Variants in MTARC2 observed in about 807,000 individuals in gnomAD.
The protein encoded by MTARC2 is MOCO sulphurase C-terminal domain containing 2.
In MTARC2, 27 loss-of-function variants were observed where a neutral mutation model predicts 35.6. The observed-to-expected ratio is 0.76, with a 90% CI of 0.56 to 1.04. MTARC2 has a LOEUF of 1.04. Ranked by LOEUF, MTARC2 falls within the 50% of genes least tolerant of loss-of-function variation. The pLI is 0.00. For synonymous variants in MTARC2, 158 were observed against 167.1 expected, an observed-to-expected ratio of 0.95 and a Z score of 0.42; for missense variants, 412 against 432.5, an observed-to-expected ratio of 0.95 and a Z score of 0.42.
At chr1:220,773,943 A>G (rs757992166) in intron 4 of MTARC2, among the ~76,000 whole-genome samples, 66 of 151,758 alleles carry the variant, frequency 4.3e-4, no homozygotes, top group Non-Finnish European at 8.2e-4. Context: ...ATGTACATGG[A>G]ATCATCCTCT....
chr1:220,780,203 T>C lies in MTARC2; in HGVS notation c.848T>C (p.Val283Ala), dbSNP rs1313871403. 6.2e-7 allele frequency: 1 copy of C among 1,612,218 alleles called. No individual in the cohort carries two copies. The highest frequency in any genetic ancestry group is 1.3e-5 in the African/African-American group (1 of 74,620). The change falls in exon 6 of 8, where the codon GTC (valine) becomes GCC (alanine). Residue 283 changes from valine to alanine, a missense_variant. Transcript: ENST00000366913. ...ACAACGGTGGACCCAGACACTGGAG[T>C]CATAGACAGGAAACAGCCACTGGAC... ...ILTTVDPDTGVIDRKQPLDTL... is the reference protein window; with the variant it reads ...ILTTVDPDTGAIDRKQPLDTL...
intron 4 of MTARC2, 191 bp from the exon 5 acceptor site, chr1:220,779,827 G>A (rs903934945): frequency 2.2e-6 from 1 of 445,964 alleles, no homozygotes; most frequent in Admixed American, 4.5e-5. Flanking sequence ...TTGAGACTGG[G>A]AGTCAAGAGG....
At chr1:220,764,111 T>TGA (rs1170234800) in intron 4 of MTARC2, among the ~76,000 whole-genome samples, 13 of 151,886 alleles carry the variant, frequency 8.6e-5, no homozygotes, top group Non-Finnish European at 4.4e-5. Flanking sequence ...TTTTTTTTTT[T>TGA]GAGAGAGAGT....
chr1:220,748,482 C>G lies in MTARC2; in HGVS notation c.-50C>G. On this transcript the variant is annotated 5_prime_UTR_variant, in exon 1 of 8. Coordinates refer to ENST00000366913, the MANE Select transcript of MTARC2 (RefSeq NM_017898.5). ...AAGGGCCTCCTCGTCCTCCCGGTCT[C>G]CGGTCGCTGCCGGGTCTGTGCGCCG... 6.7e-6 allele frequency: 9 copies of G among 1,350,406 alleles called. No individual in the cohort carries two copies. The highest frequency in any genetic ancestry group is 7.5e-6 in the Non-Finnish European group (8 of 1,060,056). The allele number at this position is 1,350,406 out of a possible 1,614,324, so 83.7% of individuals were successfully genotyped here.
rs777762392 is a variant in MTARC2 at position 220,748,700 on chromosome 1, G to A, written c.169G>A (p.Val57Met). 4.4e-6 allele frequency: 7 copies of A among 1,593,778 alleles called. No individual in the cohort carries two copies. Among genetic ancestry groups the A allele is most frequent in the Middle Eastern group, 1.8e-4 (1 of 5,532 alleles). The change falls in exon 1 of 8, where the codon GTG becomes ATG. Residue 57 changes from valine (V) to methionine (M), a missense_variant. Physicochemically the swap from Val to Met is conservative, Grantham distance 21. Coordinates refer to ENST00000366913, the MANE Select transcript of MTARC2 (RefSeq NM_017898.5). ...CCGGCGGCTGCAGCAGGTGGGCACC[G>A]TGGCGAAGCTCTGGATCTACCCGGT... ...RRRRLQQVGTVAKLWIYPVKS... is the reference protein window; with the variant it reads ...RRRRLQQVGTMAKLWIYPVKS...
At chr1:220,783,057 G>T (rs1422669550) in intron 7 of MTARC2, among the ~76,000 whole-genome samples, 1 of 152,164 alleles carries the variant, frequency 6.6e-6, no homozygotes, top group Non-Finnish European at 1.5e-5. Context: ...GCAAAAAGGA[G>T]CTACACTTCT....
At position 220,760,907 on chromosome 1, in the gene MTARC2, G is replaced by T. The variant is rs983548149; in HGVS notation, c.447-751G>T. ...GGATATCAAACCAACATGGCATTTA[G>T]ATCCCGTTACACACTTTTAAAAGCA... is the stretch of plus-strand genomic sequence containing the variant. On this transcript the variant is annotated intron_variant, in intron 2 of 7. Transcript: ENST00000366913. Among the ~76,000 whole-genome samples the T allele has an allele frequency of 2.6e-5, 4 of 152,192 alleles. No individual in the cohort carries two copies. In the East Asian group the frequency reaches 7.7e-4, roughly 29 times the overall value.
chr1:220,769,932 T>TAAAAAA (rs1553254311), intron 4 of MTARC2, among the ~76,000 whole-genome samples: 7 of 23,520 alleles, frequency 3.0e-4, no homozygotes, highest in African/African-American at 4.3e-4. Context: ...CTACTAAAAA[T>TAAAAAA]ACAAAAAAAA....
rs186224269 is a variant in MTARC2, at chr1:220,781,727, C to T, written c.885-51C>T. 161 of 1,602,350 alleles carry T rather than the reference C, an allele frequency of 1.0e-4. 1 individual carries two copies. In the African/African-American group the frequency reaches 1.3e-3, roughly 13 times the overall value. ...AACTTGAGTTCTATTGAGAATACTT[C>T]GATTATTATTTCCTTTTTGTGTCTG... On this transcript the variant is annotated intron_variant, in intron 6 of 7. Transcript: ENST00000366913.
intron 4 of MTARC2, among the ~76,000 whole-genome samples, chr1:220,778,611 A>G (rs1052834383): frequency 2.0e-4 from 30 of 152,212 alleles, no homozygotes; most frequent in South Asian, 6.2e-4. Context: ...GTGGGGACAC[A>G]GATCCAAACC....
rs1389748 is a variant in MTARC2, at chr1:220,779,017, G to T, written c.751-1001G>T. Reference sequence around the variant, plus strand: ...TCTTCATTTTGTCATGAAGGTTCCAGTGCCACGTAAAAGTTATATTAAATA... The same window carrying T: ...TCTTCATTTTGTCATGAAGGTTCCATTGCCACGTAAAAGTTATATTAAATA... On this transcript the variant is annotated intron_variant, in intron 4 of 7. Coordinates refer to ENST00000366913, the MANE Select transcript of MTARC2 (RefSeq NM_017898.5). Among the ~76,000 whole-genome samples the T allele has an allele frequency of 9.9e-3, 1,505 of 152,236 alleles. 29 individuals carry two copies. The highest frequency in any genetic ancestry group is 0.034 in the African/African-American group (1,432 of 41,538).
At position 220,748,540 on chromosome 1, in the gene MTARC2, T is replaced by C. The variant is rs370008710; in HGVS notation, c.9T>C (p.Ala3=). 2.0e-4 allele frequency: 289 copies of C among 1,423,306 alleles called. 1 individual carries two copies. The Middle Eastern group carries it at 3.8e-3, about 19-fold the overall frequency. 88.2% of individuals were successfully genotyped at this position (1,423,306 alleles called of 1,614,324 possible). A position where few individuals can be genotyped will look rare whatever the true frequency, so the allele number is the denominator to read the frequency against. The change falls in exon 1 of 8, where the codon GCT becomes GCC. Residue 3 remains alanine (A), a synonymous_variant. Coordinates refer to ENST00000366913, the MANE Select transcript of MTARC2 (RefSeq NM_017898.5). MG[A]SSSSALARLG... ...CCCGCCCTCGCTCTGCCATGGGCGC[T>C]TCCAGCTCCTCCGCGCTGGCCCGCC...
At chr1:220,753,249 A>G (rs1385531516) in intron 1 of MTARC2, among the ~76,000 whole-genome samples, 1 of 151,728 alleles carries the variant, frequency 6.6e-6, no homozygotes, top group African/African-American at 2.4e-5. Flanking sequence ...AAAAAAAAAG[A>G]AAGAAAGAAA....
chr1:220,761,937 C>T, intron 3 of MTARC2, 117 bp downstream of exon 3: 5 of 1,008,098 alleles, frequency 5.0e-6, no homozygotes, highest in Non-Finnish European at 7.4e-6. Flanking sequence ...TGATAATGGC[C>T]CTGGTGAGTG....
intron 2 of MTARC2, among the ~76,000 whole-genome samples, chr1:220,759,389 T>C (rs3820349): frequency 0.013 from 2,033 of 152,280 alleles, 32 homozygotes; most frequent in East Asian, 0.06. Context: ...AGAGTGGACT[T>C]TGCAGAAAAT....
intron 2 of MTARC2, among the ~76,000 whole-genome samples, chr1:220,757,191 C>T (rs932568226): frequency 1.3e-5 from 2 of 152,242 alleles, no homozygotes; most frequent in Middle Eastern, 3.2e-3. Flanking sequence ...CATGAGCCAC[C>T]GTGCTCAGCC....
At chr1:220,779,863 C>A in intron 4 of MTARC2, 155 bp from the exon 5 acceptor site, 1 of 524,022 alleles carries the variant, frequency 1.9e-6, no homozygotes, top group Non-Finnish European at 3.2e-6. Context: ...CAGCATTCTG[C>A]CTCCCTTTGA....
At chr1:220,770,331 T>A in intron 4 of MTARC2, 2 of 947,184 alleles carry the variant, frequency 2.1e-6, no homozygotes, top group African/African-American at 3.5e-5. Context: ...ACTTGGCCAT[T>A]GAGTTGTGTT....
chr1:220,780,588 T>C (rs1672045578), intron 6 of MTARC2, among the ~76,000 whole-genome samples: 1 of 151,938 alleles, frequency 6.6e-6, no homozygotes, highest in Non-Finnish European at 1.5e-5. Flanking sequence ...TAGCTGGGAC[T>C]ACAGGTGTGT....
Sources: allele counts gnomAD v4.1 joint callset (sites outside exome capture counted in the v4.1 genomes callset), GRCh38; gene constraint gnomAD v4.1.1; transcripts MANE v1.5; gene names NCBI Gene and HGNC (gene_info 2026-07-23, HGNC 2026-07-21).